The following DRC3 variants were observed in gnomAD, a reference collection of about 807,000 sequenced individuals.
DRC3 encodes the protein dynein regulatory complex subunit 3.
In DRC3, 45 loss-of-function variants were observed where a neutral mutation model predicts 57.6. The observed-to-expected ratio is 0.78, with a 90% confidence interval of 0.62 to 1.00. DRC3 has a LOEUF of 1.00. DRC3 is among the 50% of genes least tolerant of loss of function. The pLI is 0.00. For synonymous variants in DRC3, 257 were observed against 272.3 expected, an observed-to-expected ratio of 0.94 and a Z score of 0.55; for missense variants, 655 against 675.2, an observed-to-expected ratio of 0.97 and a Z score of 0.33.
Position 18,016,575 on chromosome 17 carries a change from C to A in DRC3, c.1476C>A (p.Ile492=). ...RLIDRIHKDE[I]MRNRKRVKEI... is the part of the protein sequence containing the mutation. ...CTCCTCAGATTCACAAGGATGAGAT[C>A]ATGAGGAACCGCAAGCGCGTGAAGG... Residue 492 remains isoleucine (I), a synonymous_variant, in exon 14 of 14, where the codon ATC becomes ATA. Transcript: ENST00000399187. 1 of 1,613,020 alleles carries A rather than the reference C, an allele frequency of 6.2e-7. No individual in the cohort carries two copies. Among genetic ancestry groups the A allele is most frequent in the Non-Finnish European group, 8.5e-7 (1 of 1,179,104 alleles).
chr17:18,010,965 T>TGTTTGTTC, intron 12 of DRC3: 1 of 245,628 alleles, frequency 4.1e-6, no homozygotes. Flanking sequence ...TTTGTTTGTT[T>TGTTTGTTC]GTTTGTTTTT....
At chr17:18,005,425 C>A (rs139444581) in intron 10 of DRC3, 24 of 152,492 alleles carry the variant, frequency 1.6e-4, no homozygotes, top group African/African-American at 5.8e-4. Context: ...CACCTTGCAG[C>A]CCCTGGAGTC....
chr17:18,015,996 G>A (rs1947874081), intron 12 of DRC3, 68 bp from the exon 13 acceptor site: 1 of 1,569,094 alleles, frequency 6.4e-7, no homozygotes, highest in African/African-American at 1.3e-5. Context: ...CTCCTTCTCT[G>A]TTCAGCTCCC....
chr17:17,992,819 C>A lies in DRC3; in HGVS notation c.499C>A (p.Pro167Thr). ...GCGGACGCTCAGCCTCTCTAGGAAC[C>A]CTATCTCTGAGGCAGAGGATTACAA... Reference protein sequence around the residue: ...CLRTLSLSRNPISEAEDYKMF... With the variant: ...CLRTLSLSRNTISEAEDYKMF... Residue 167 changes from proline to threonine, a missense_variant, in exon 6 of 14, where the codon CCT becomes ACT. Physicochemically the swap from Pro to Thr is conservative, Grantham distance 38. Coordinates refer to ENST00000399187, the MANE Select transcript of DRC3 (RefSeq NM_031294.4). 4 of 1,613,930 alleles carry A rather than the reference C, an allele frequency of 2.5e-6. No individual in the cohort carries two copies. The highest frequency in any genetic ancestry group is 3.4e-6 in the Non-Finnish European group (4 of 1,179,838).
chr17:17,976,178 A>G (rs1337150606), intron 2 of DRC3, among the ~76,000 whole-genome samples: 1 of 152,132 alleles, frequency 6.6e-6, no homozygotes, highest in Non-Finnish European at 1.5e-5. Flanking sequence ...GATAGGAAGT[A>G]GGGCCAGCAG....
intron 11 of DRC3, 116 bp from the exon 12 acceptor site, chr17:18,006,908 C>T: frequency 6.7e-7 from 1 of 1,488,368 alleles, no homozygotes; most frequent in Non-Finnish European, 9.0e-7. Context: ...ACGGTGCTGC[C>T]AGCCAGAATT....
At chr17:18,004,293 C>A in intron 9 of DRC3, 70 bp from the exon 10 acceptor site, 1 of 1,523,478 alleles carries the variant, frequency 6.6e-7, no homozygotes. Flanking sequence ...CCCACAAAAC[C>A]AAATTGCCAC....
intron 9 of DRC3, among the ~76,000 whole-genome samples, chr17:18,001,940 G>A (rs184979936): frequency 9.4e-4 from 142 of 150,970 alleles, no homozygotes; most frequent in African/African-American, 3.2e-3. Flanking sequence ...ACCAAGGCGG[G>A]CGGGTCACCT....
chr17:18,014,168 C>T (rs987142774), intron 12 of DRC3, among the ~76,000 whole-genome samples: 3 of 152,222 alleles, frequency 2.0e-5, no homozygotes, highest in African/African-American at 4.8e-5. Context: ...ATCCACCCAC[C>T]TTCCCGCCTT....
At chr17:18,003,484 T>TAAAAAAA (rs71155309) in intron 9 of DRC3, among the ~76,000 whole-genome samples, 1 of 30,106 alleles carries the variant, frequency 3.3e-5, no homozygotes, top group Non-Finnish European at 6.1e-5. Flanking sequence ...ACTACGTCTT[T>TAAAAAAA]AAAAAAAAAA....
rs770191810 is a variant in DRC3, at chr17:18,016,730, G to A, written c.*59G>A. The A allele has an allele frequency of 1.1e-5, 13 of 1,130,674 alleles. 1 individual carries two copies. The South Asian group carries it at 1.6e-4, about 14-fold the overall frequency. 70.0% of individuals were successfully genotyped at this position (1,130,674 alleles called of 1,614,324 possible). ...TAGCACCAGCCCCAGCCAGGAGAAG[G>A]AAGTGCACACGCCTCACCCGCACCT... On this transcript the variant is annotated 3_prime_UTR_variant, in exon 14 of 14. Coordinates refer to ENST00000399187, the MANE Select transcript of DRC3 (RefSeq NM_031294.4).
intron 2 of DRC3, among the ~76,000 whole-genome samples, chr17:17,976,817 CCT>C (rs371726729): frequency 3.2e-4 from 49 of 152,342 alleles, no homozygotes; most frequent in African/African-American, 1.1e-3. Flanking sequence ...AAGGAGGCAG[CCT>C]CTGTCTGTGT....
At chr17:17,993,196 C>G (rs559971215) in intron 6 of DRC3, 38 of 288,232 alleles carry the variant, frequency 1.3e-4, no homozygotes, top group African/African-American at 6.7e-4. Flanking sequence ...GATGAAGAAG[C>G]TGAGGAGGGC....
rs4368210 is a variant in DRC3, at chr17:17,992,776, C to T, written c.456C>T (p.Leu152=). ...RIDNMMNIIY[L]RRFKCLRTLS... ...CTTTTTCTCCCCAGATCATCTACCT[C>T]CGGCGGTTCAAGTGCCTGCGGACGC... Residue 152 remains leucine, a synonymous_variant, in exon 6 of 14, where the codon CTC becomes CTT. Coordinates refer to ENST00000399187, the MANE Select transcript of DRC3 (RefSeq NM_031294.4). 0.37 allele frequency: 598,449 copies of T among 1,612,222 alleles called. 126,249 individuals carry two copies. The highest frequency in any genetic ancestry group is 0.87 in the East Asian group (38,807 of 44,844).
At chr17:18,009,723 T>C (rs2044103538) in intron 12 of DRC3, among the ~76,000 whole-genome samples, 1 of 152,128 alleles carries the variant, frequency 6.6e-6, no homozygotes. Context: ...GGGCTGTGGG[T>C]GAAAAAAACC....
At chr17:18,009,975 C>T (rs1374531796) in intron 12 of DRC3, among the ~76,000 whole-genome samples, 1 of 152,230 alleles carries the variant, frequency 6.6e-6, no homozygotes, top group Non-Finnish European at 1.5e-5. Flanking sequence ...CTGGCAGCCA[C>T]AGCTGCCCAT....
intron 12 of DRC3, among the ~76,000 whole-genome samples, chr17:18,011,986 T>C (rs926530234): frequency 3.3e-5 from 5 of 152,122 alleles, no homozygotes; most frequent in African/African-American, 1.2e-4. Flanking sequence ...CCATGCCTGG[T>C]TAATTTTTTG....
Position 18,008,660 on chromosome 17 carries a change from A to C in DRC3, c.1326+1513A>C, listed in dbSNP as rs537477011. On this transcript the variant is annotated intron_variant, in intron 12 of 13. Coordinates refer to ENST00000399187, the MANE Select transcript of DRC3 (RefSeq NM_031294.4). The surrounding 1 kb of genome is among the most constrained non-coding windows in gnomAD (Gnocchi z 4.3). ...ACACCCAACATAGCAGTGTGGTGAT[A>C]GGGTCACCGTGACACCAGCCTTCCC... 6.6e-6 allele frequency among the ~76,000 whole-genome samples: 1 copy of C among 152,320 alleles called. No individual in the cohort carries two copies. Among genetic ancestry groups the C allele is most frequent in the East Asian group, 1.9e-4 (1 of 5,188 alleles).
intron 11 of DRC3, chr17:18,006,773 C>T (rs940918783): frequency 1.2e-5 from 6 of 486,044 alleles, no homozygotes; most frequent in African/African-American, 7.9e-5. Context: ...GCAGTTAACC[C>T]AGAGGCCAGG....
Sources: allele counts gnomAD v4.1 joint callset (sites outside exome capture counted in the v4.1 genomes callset), GRCh38; gene constraint gnomAD v4.1.1; non-coding constraint Gnocchi (gnomAD v3.1); transcripts MANE v1.5; gene names NCBI Gene and HGNC (gene_info 2026-07-23, HGNC 2026-07-21).